The following POU2F3 variants were observed in gnomAD, a reference collection of about 807,000 sequenced individuals.
POU2F3 encodes the protein POU class 2 homeobox 3.
A neutral mutation model predicts 59.2 loss-of-function variants in POU2F3; 23 were observed. That is an observed-to-expected ratio of 0.39 (90% CI 0.28 to 0.55). POU2F3 has a LOEUF of 0.55. Among genes scored for constraint, POU2F3 ranks in the 20% least tolerant of loss-of-function variants. The pLI, the probability that POU2F3 is intolerant of heterozygous loss-of-function variation, is 0.66. For missense variants in POU2F3, 473 were observed against 544.5 expected (o/e 0.87, Z 1.31); for synonymous variants, 190 against 214.6 (o/e 0.89, Z 1.00).
At position 120,246,472 on chromosome 11, in the gene POU2F3, G is replaced by A; in HGVS notation, c.52G>A (p.Ala18Thr). 1 of 1,613,852 alleles carries A rather than the reference G, an allele frequency of 6.2e-7. No homozygotes were observed. The highest frequency in any genetic ancestry group is 8.5e-7 in the Non-Finnish European group (1 of 1,179,978). Reference protein sequence around the residue: ...HTDIKMSGDVADSTDARSTLS... With the variant: ...HTDIKMSGDVTDSTDARSTLS... ...AGATATCAAGATGAGTGGGGATGTA[G>A]CCGATTCCACGGATGCTCGCAGCAC... The change falls in exon 2 of 13, where the codon GCC becomes ACC. Residue 18 changes from alanine to threonine, a missense_variant. Physicochemically the swap from Ala to Thr is moderately conservative, Grantham distance 58. Coordinates refer to ENST00000543440, the MANE Select transcript of POU2F3 (RefSeq NM_014352.4).
chr11:120,236,839 A>AC (rs1362062902), upstream of POU2F3: 2 of 859,756 alleles, frequency 2.3e-6, no homozygotes, highest in Admixed American at 4.3e-5. Context: ...CTTAGAGGGC[A>AC]CCCCAGCCTT....
chr11:120,309,293 C>G, intron 9 of POU2F3, 132 bp from the exon 10 acceptor site: 1 of 903,652 alleles, frequency 1.1e-6, no homozygotes, highest in Non-Finnish European at 1.7e-6. Context: ...AGTGAAAAAG[C>G]CAGTATTTCA....
At chr11:120,243,506 C>A (rs757007552) in intron 1 of POU2F3, among the ~76,000 whole-genome samples, 2 of 152,172 alleles carry the variant, frequency 1.3e-5, no homozygotes, top group African/African-American at 4.8e-5. Flanking sequence ...TGTCTGGGCT[C>A]TTTCACAGAG....
In POU2F3 at chr11:120,244,769, A is replaced by T. The variant is rs114922167; in HGVS notation, c.29-1680A>T. Among the ~76,000 whole-genome samples, 735 of 152,286 alleles carry T rather than the reference A, an allele frequency of 4.8e-3. 9 individuals carry two copies. The highest frequency in any genetic ancestry group is 0.017 in the African/African-American group (711 of 41,538). On this transcript the variant is annotated intron_variant, in intron 1 of 12. Transcript: ENST00000543440. ...TAGTACTTAATGGGTGGGAGAGGGG[A>T]GCCCGTTTCTCCATTGGAACAGAAG...
Position 120,240,244 on chromosome 11 carries a change from C to A in POU2F3, c.-100C>A. The A allele has an allele frequency of 8.0e-7, 1 of 1,251,658 alleles. No homozygotes were observed. The highest frequency in any genetic ancestry group is 1.0e-6 in the Non-Finnish European group (1 of 991,082). The allele number at this position is 1,251,658 out of a possible 1,614,324, so 77.5% of individuals were successfully genotyped here. A position where few individuals can be genotyped will look rare whatever the true frequency, so the allele number is the denominator to read the frequency against. On this transcript the variant is annotated 5_prime_UTR_variant, in exon 1 of 13. Transcript: ENST00000543440. ...CAGCGGCTCCCGCGGCGGCGGCGGC[C>A]GGGAACTGGAGGAAGGAGACCCTGG...
At chr11:120,239,137 C>T (rs1391398169), upstream of POU2F3, among the ~76,000 whole-genome samples, 1 of 152,168 alleles carries the variant, frequency 6.6e-6, no homozygotes, top group Admixed American at 6.5e-5. Flanking sequence ...GTTCTGTGCT[C>T]AGAAAGTAGC....
At chr11:120,309,364 C>T (rs1381255229) in intron 9 of POU2F3, 61 bp from the exon 10 acceptor site, 2 of 1,498,830 alleles carry the variant, frequency 1.3e-6, no homozygotes, top group South Asian at 2.3e-5. Flanking sequence ...TCTTTGGGAC[C>T]TCTGTTCCCT....
At chr11:120,306,320 G>T (rs1034048956) in intron 8 of POU2F3, among the ~76,000 whole-genome samples, 2 of 152,192 alleles carry the variant, frequency 1.3e-5, no homozygotes, top group African/African-American at 4.8e-5. Context: ...GGAGGACTCA[G>T]TGAGGGGTGG....
chr11:120,273,566 G>C (rs907255246), intron 3 of POU2F3, among the ~76,000 whole-genome samples: 2 of 152,188 alleles, frequency 1.3e-5, no homozygotes, highest in African/African-American at 4.8e-5. Flanking sequence ...GCGCTACTAG[G>C]TGTTCTCAAG....
rs1398213924 is a variant in POU2F3, at chr11:120,285,729, T to C, written c.133-12536T>C. 6.6e-6 allele frequency among the ~76,000 whole-genome samples: 1 copy of C among 152,202 alleles called. No individual in the cohort carries two copies. The highest frequency in any genetic ancestry group is 6.5e-5 in the Admixed American group (1 of 15,280). On this transcript the variant is annotated intron_variant, in intron 3 of 12. Transcript: ENST00000543440. The surrounding 1 kb of genome is among the most constrained non-coding windows in gnomAD (Gnocchi z 4.3). Reference sequence around the variant, plus strand: ...ATATTACAAATGGAAATGTATAAATTTTTGTGGCCTACACACATATGTACA... The same window carrying C: ...ATATTACAAATGGAAATGTATAAATCTTTGTGGCCTACACACATATGTACA...
chr11:120,280,842 C>T (rs956430367), intron 3 of POU2F3, among the ~76,000 whole-genome samples: 1 of 152,132 alleles, frequency 6.6e-6, no homozygotes. Context: ...GGGAGGGTTG[C>T]CAGGTAAAGG....
chr11:120,288,844 AATAC>A (rs1463242608), intron 3 of POU2F3, among the ~76,000 whole-genome samples: 1 of 152,132 alleles, frequency 6.6e-6, no homozygotes, highest in Non-Finnish European at 1.5e-5. Context: ...ACATGTATGT[AATAC>A]ATACATGTGC....
chr11:120,288,227 G>A (rs947576373), intron 3 of POU2F3, among the ~76,000 whole-genome samples: 6 of 151,444 alleles, frequency 4.0e-5, no homozygotes, highest in Non-Finnish European at 8.8e-5. Flanking sequence ...TGAGGGCATG[G>A]TTGCTTTTAA....
intron 10 of POU2F3, among the ~76,000 whole-genome samples, chr11:120,312,328 G>T (rs975417463): frequency 6.6e-6 from 1 of 152,018 alleles, no homozygotes; most frequent in African/African-American, 2.4e-5. Context: ...TCACCATGTT[G>T]GCCAGGCTGG....
chr11:120,306,416 T>G (rs746365581), intron 8 of POU2F3, among the ~76,000 whole-genome samples: 5 of 152,122 alleles, frequency 3.3e-5, no homozygotes, highest in African/African-American at 4.8e-5. Flanking sequence ...GGATGGGGCT[T>G]CTCAACCTTG....
At chr11:120,309,013 A>G (rs914207355) in intron 9 of POU2F3, among the ~76,000 whole-genome samples, 1 of 149,210 alleles carries the variant, frequency 6.7e-6, no homozygotes, top group African/African-American at 2.5e-5. Context: ...GTAATAAGGA[A>G]GAACACAGAA....
intron 2 of POU2F3, among the ~76,000 whole-genome samples, chr11:120,262,785 A>G (rs2715883): frequency 0.49 from 75,220 of 152,054 alleles, 23,457 homozygotes; most frequent in East Asian, 1. Flanking sequence ...TGCGCAATTG[A>G]ACTGCTTTAG....
chr11:120,278,806 C>G (rs1940442494), intron 3 of POU2F3, among the ~76,000 whole-genome samples: 1 of 152,084 alleles, frequency 6.6e-6, no homozygotes, highest in Non-Finnish European at 1.5e-5. Flanking sequence ...GAAGAAATAC[C>G]TGATAAAATG....
chr11:120,278,775 G>T lies in POU2F3; in HGVS notation c.132+9531G>T, dbSNP rs1208428608. On this transcript the variant is annotated intron_variant, in intron 3 of 12. Transcript: ENST00000543440. ...ACAAGGGCCTGTCAGGGGGTGGAGG[G>T]CAAGGGGAAGGATAGCATTAGAAGA... Among the ~76,000 whole-genome samples, 8 of 152,162 alleles carry T rather than the reference G, an allele frequency of 5.3e-5. No homozygotes were observed. In the East Asian group the frequency reaches 1.5e-3, roughly 29 times the overall value.
Sources: gnomAD v4.1 joint callset for allele counts (sites outside exome capture counted in the v4.1 genomes callset) on GRCh38, gnomAD v4.1.1 for gene constraint, Gnocchi (gnomAD v3.1) non-coding constraint, MANE v1.5 for transcripts, NCBI Gene and HGNC (gene_info 2026-07-23, HGNC 2026-07-21) for gene names.